Variants in CUL4B observed in about 807,000 individuals in gnomAD.
CUL4B encodes the protein cullin 4B, also known as cullin-4B.
A neutral mutation model predicts 69.2 loss-of-function variants in CUL4B; 1 was observed. The observed-to-expected ratio is 0.01, with a 90% CI of 0.01 to 0.07. The LOEUF is 0.07. Among genes scored for constraint, CUL4B ranks in the 10% least tolerant of loss-of-function variants. The pLI is 1.00. For synonymous variants in CUL4B, 237 were observed against 223.2 expected, an observed-to-expected ratio of 1.06 and a Z score of -0.55; for missense variants, 328 against 638.8, an observed-to-expected ratio of 0.51 and a Z score of 5.24.
chrX:120,566,345 G>GTATATATATATATATATATATATATA (rs537274243), upstream of CUL4B, among the ~76,000 whole-genome samples: 3 of 40,985 alleles, frequency 7.3e-5, no homozygotes, highest in Non-Finnish European at 4.1e-5. Context: ...GTGTGTATAG[G>GTATATATATATATATATATATATATA]TATATATATA....
At chrX:120,543,067 A>T in intron 8 of CUL4B, 34 bp from the exon 9 acceptor site, 1 of 979,004 alleles carries the variant, frequency 1.0e-6, no homozygotes, top group Non-Finnish European at 1.4e-6. Flanking sequence ...AGTATTATTG[A>T]CGTTTGACTT....
intron 2 of CUL4B, among the ~76,000 whole-genome samples, chrX:120,552,852 A>G (rs775588616): frequency 4.4e-5 from 5 of 112,476 alleles, no homozygotes; most frequent in African/African-American, 6.5e-5. Flanking sequence ...AGTAAAGCAC[A>G]TAACAAAAAA....
rs1441512921 is a variant in CUL4B, at chrX:120,555,646, A to G, written c.672+2278T>C. ...TCTCTGAGACTCAGTCTCCTCATCAATAAAGTGGGGATAGGCCAGGCGCGG... is the reference window on the plus strand; with the variant it reads ...TCTCTGAGACTCAGTCTCCTCATCAGTAAAGTGGGGATAGGCCAGGCGCGG... On this transcript the variant is annotated intron_variant, in intron 2 of 19. Transcript: ENST00000371322. Among the ~76,000 whole-genome samples the G allele has an allele frequency of 2.7e-5, 3 of 110,508 alleles. 1 individual carries two copies. Among genetic ancestry groups the G allele is most frequent in the East Asian group, 5.6e-4 (2 of 3,554 alleles).
chrX:120,551,778 T>G (rs1018513886), intron 2 of CUL4B, among the ~76,000 whole-genome samples: 2 of 112,379 alleles, frequency 1.8e-5, no homozygotes, highest in Non-Finnish European at 3.8e-5. Flanking sequence ...TTCATGAACC[T>G]ATTAGAACAT....
At chrX:120,540,326 A>G in intron 11 of CUL4B, 44 bp downstream of exon 11, 1 of 1,124,845 alleles carries the variant, frequency 8.9e-7, no homozygotes, top group Middle Eastern at 2.7e-4. Flanking sequence ...TTTATGACTC[A>G]AAGAACATCA....
intron 2 of CUL4B, among the ~76,000 whole-genome samples, chrX:120,556,918 T>A (rs1432796193): frequency 2.7e-5 from 3 of 109,120 alleles, no homozygotes; most frequent in African/African-American, 1.0e-4. Context: ...TATATATTTT[T>A]TTTTTTTTTT....
chrX:120,547,412 T>C (rs1319151321), intron 2 of CUL4B, among the ~76,000 whole-genome samples, 173 bp from the exon 3 acceptor site: 1 of 112,391 alleles, frequency 8.9e-6, no homozygotes, highest in Non-Finnish European at 1.9e-5. Context: ...GCAAACTTTC[T>C]CATAACCAAT....
chrX:120,535,704 CAAAAAAAAAAAAA>C (rs71820203), intron 16 of CUL4B, 113 bp downstream of exon 16: 6 of 192,571 alleles, frequency 3.1e-5, no homozygotes, highest in South Asian at 2.3e-4. Context: ...GACTCTGTCT[CAAAAAAAAAAAAA>C]AAAAAAAAAA....
Position 120,546,559 on chromosome X carries a change from A to G in CUL4B, c.834T>C (p.His278=). ...TTTTCCAGCTTACCATTTGTCTGCA[A>G]TGGTTTTGCCAGCATCTATCAATCT... ...LKKIDRCWQN[H]CRQMIMIRSI... The change falls in exon 4 of 20, where the codon CAT becomes CAC. Residue 278 remains histidine, a synonymous_variant. Coordinates refer to ENST00000371322, the MANE Select transcript of CUL4B (RefSeq NM_001079872.2). 1 of 1,203,772 alleles carries G rather than the reference A, an allele frequency of 8.3e-7. No individual in the cohort carries two copies. The highest frequency in any genetic ancestry group is 1.1e-6 in the Non-Finnish European group (1 of 888,692).
chrX:120,531,116 G>A (rs957826524), intron 18 of CUL4B, among the ~76,000 whole-genome samples: 4 of 110,596 alleles, frequency 3.6e-5, no homozygotes, highest in African/African-American at 1.3e-4. Context: ...GAGGTCAGGA[G>A]TTCAAGACCT....
upstream of CUL4B, among the ~76,000 whole-genome samples, chrX:120,566,372 T>TAG (rs1925539823): frequency 1.6e-5 from 1 of 64,178 alleles, no homozygotes; most frequent in Middle Eastern, 7.0e-3. Flanking sequence ...TATATATATA[T>TAG]ATATATATAT....
chrX:120,574,356 G>A (rs1199145760), intron 2 of CUL4B, among the ~76,000 whole-genome samples: 4 of 109,970 alleles, frequency 3.6e-5, no homozygotes, highest in African/African-American at 1.3e-4. Context: ...GACTACAGGC[G>A]CCCACAACCA....
At chrX:120,538,565 A>C in intron 13 of CUL4B, 95 bp downstream of exon 13, 1 of 617,919 alleles carries the variant, frequency 1.6e-6, no homozygotes, top group Non-Finnish European at 2.7e-6. Flanking sequence ...ATACATAGAC[A>C]TGAGTGACAA....
rs1336834142 is a variant in CUL4B, at chrX:120,525,945, T to C, written c.*816A>G. The C allele has an allele frequency of 8.9e-6, 1 of 111,893 alleles. No individual in the cohort carries two copies. The highest frequency in any genetic ancestry group is 2.8e-4 in the East Asian group (1 of 3,592). 9.2% of individuals were successfully genotyped at this position (111,893 alleles called of 1,213,427 possible). On this transcript the variant is annotated 3_prime_UTR_variant, in exon 20 of 20. Transcript: ENST00000371322. ...TTTGGTCTCTTTTGCAATTTTCTTA[T>C]TGTATTCATTTTTAATATAAAGAGT... is the stretch of plus-strand genomic sequence containing the variant.
At chrX:120,548,782 C>T (rs1309832926) in intron 2 of CUL4B, among the ~76,000 whole-genome samples, 4 of 110,148 alleles carry the variant, frequency 3.6e-5, no homozygotes, top group South Asian at 3.9e-4. Flanking sequence ...TGCAGTGAGC[C>T]GAGATCACAC....
intron 2 of CUL4B, among the ~76,000 whole-genome samples, chrX:120,553,123 CAA>C (rs1410588569): frequency 3.6e-5 from 4 of 111,508 alleles, no homozygotes; most frequent in Non-Finnish European, 7.5e-5. Flanking sequence ...TTCAAAATAA[CAA>C]AGAGTAGAAT....
chrX:120,535,679 C>CTGGT, intron 16 of CUL4B, 151 bp downstream of exon 16: 1 of 394,052 alleles, frequency 2.5e-6, no homozygotes, highest in East Asian at 4.4e-5. Context: ...GCACTCCACT[C>CTGGT]TGGTGACAGA....
chrX:120,553,544 G>A (rs1002569176), intron 2 of CUL4B, among the ~76,000 whole-genome samples: 5 of 111,693 alleles, frequency 4.5e-5, no homozygotes, highest in Non-Finnish European at 9.4e-5. Flanking sequence ...GAGATTTATA[G>A]GAAAGATAAA....
At chrX:120,567,570 C>T (rs1925593485), downstream of CUL4B, among the ~76,000 whole-genome samples, 1 of 109,271 alleles carries the variant, frequency 9.2e-6, no homozygotes, top group South Asian at 4.0e-4. Context: ...CCTCAATTAT[C>T]AGTATTTTTA....
Sources: allele counts gnomAD v4.1 joint callset (sites outside exome capture counted in the v4.1 genomes callset), GRCh38; gene constraint gnomAD v4.1.1; transcripts MANE v1.5; gene names NCBI Gene and HGNC (gene_info 2026-07-23, HGNC 2026-07-21).